The following KDM5A variants were observed in gnomAD, a reference collection of about 807,000 sequenced individuals.
KDM5A encodes lysine-specific demethylase 5A.
Under a neutral mutation model 193.5 loss-of-function variants are expected in KDM5A, and 42 were observed. The observed-to-expected ratio is 0.22, with a 90% confidence interval of 0.17 to 0.28. The LOEUF (loss-of-function observed/expected upper bound fraction) is 0.28, where lower values mean the gene tolerates loss of function less well. KDM5A is among the 10% of genes least tolerant of loss of function. KDM5A has a pLI of 1.00. For missense variants in KDM5A, 1,692 were observed against 2,055.1 expected (o/e 0.82, Z 3.42); for synonymous variants, 796 against 718.1 (o/e 1.11, Z -1.73).
Position 323,126 on chromosome 12 carries a change from C to G in KDM5A, c.2231G>C (p.Ser744Thr). Residue 744 changes from serine to threonine, a missense_variant, in exon 16 of 28, where the codon AGT (serine) becomes ACT (threonine). Physicochemically the swap from Ser to Thr is moderately conservative, Grantham distance 58 (BLOSUM62 1). Coordinates refer to ENST00000399788, the MANE Select transcript of KDM5A (RefSeq NM_001042603.3). ...VRAQSYDTWV[S>T]RVTEALSANF... is the part of the protein sequence containing the mutation. ...AGCAGACAATGCTTCTGTAACACGA[C>G]TGACCCAAGTGTCATAGGACTGTGC... 1.3e-6 allele frequency: 2 copies of G among 1,555,016 alleles called. No homozygotes were observed. The highest frequency in any genetic ancestry group is 1.7e-6 in the Non-Finnish European group (2 of 1,144,746).
chr12:299,974 CAAG>C (rs1420309152), intron 24 of KDM5A, among the ~76,000 whole-genome samples: 7 of 147,348 alleles, frequency 4.8e-5, no homozygotes, highest in African/African-American at 1.5e-4. Context: ...ATCAATGCAA[CAAG>C]AAGAGCTAAC....
chr12:295,603 G>A lies in KDM5A; in HGVS notation c.4425C>T (p.Pro1475=), dbSNP rs935585274. ...TGATATGCAAGAATCTGTCTTCAGA[G>A]GGTGGGTGTGTGGCCTGCAAAATCC... is the stretch of plus-strand genomic sequence containing the variant. ...IWRILQATHP[P]SEDRFLHIME... is the part of the protein sequence containing the mutation. The change falls in exon 26 of 28, where the codon CCC becomes CCT. Residue 1475 remains proline (P), a synonymous_variant. Coordinates refer to ENST00000399788, the MANE Select transcript of KDM5A (RefSeq NM_001042603.3). 1 of 1,614,076 alleles carries A rather than the reference G, an allele frequency of 6.2e-7. No individual in the cohort carries two copies. Among genetic ancestry groups the A allele is most frequent in the South Asian group, 1.1e-5 (1 of 91,078 alleles).
At chr12:359,494 G>A (rs1389306208) in intron 5 of KDM5A, among the ~76,000 whole-genome samples, 2 of 152,030 alleles carry the variant, frequency 1.3e-5, no homozygotes, top group African/African-American at 4.8e-5. Context: ...GCTCATGCCT[G>A]TAATCGCAGC....
intron 5 of KDM5A, 101 bp downstream of exon 5, chr12:362,862 G>A (rs1565546813): frequency 7.4e-6 from 8 of 1,074,076 alleles, no homozygotes; most frequent in East Asian, 4.8e-5. Flanking sequence ...AGAGGCGGAG[G>A]CAAGAGGATC....
chr12:323,337 A>G, intron 15 of KDM5A, 131 bp from the exon 16 acceptor site: 1 of 1,134,216 alleles, frequency 8.8e-7, no homozygotes, highest in Non-Finnish European at 1.2e-6. Flanking sequence ...AGGGAATGGG[A>G]TCTTAGTTCA....
intron 12 of KDM5A, 96 bp downstream of exon 12, chr12:333,391 C>A: frequency 1.4e-6 from 2 of 1,383,524 alleles, no homozygotes; most frequent in Non-Finnish European, 2.0e-6. Context: ...TGCACTCCAG[C>A]CTGGGCAACA....
rs1943320736 is a variant in KDM5A at position 293,098 on chromosome 12, C to T, written c.4527G>A (p.Lys1509=). Residue 1509 remains lysine, a synonymous_variant, in exon 27 of 28, where the codon AAG becomes AAA. Transcript: ENST00000399788. ...KDSSEKKRKR[K]LEKVEQLFGE... Reference sequence around the variant, plus strand: ...CAAAAAGTTGCTCTACCTTTTCTAGCTTCCGTTTCCGTTTCTTCTCTGAAG... The same window carrying T: ...CAAAAAGTTGCTCTACCTTTTCTAGTTTCCGTTTCCGTTTCTTCTCTGAAG... 6.3e-7 allele frequency: 1 copy of T among 1,595,484 alleles called. No individual in the cohort carries two copies. Among genetic ancestry groups the T allele is most frequent in the South Asian group, 1.2e-5 (1 of 86,682 alleles).
At chr12:374,581 T>C (rs541815674) in intron 3 of KDM5A, among the ~76,000 whole-genome samples, 10 of 152,326 alleles carry the variant, frequency 6.6e-5, no homozygotes, top group Non-Finnish European at 1.3e-4. Flanking sequence ...ACATTTAAGG[T>C]TAATACTGTT....
chr12:342,771 A>AT (rs199901226), intron 10 of KDM5A, among the ~76,000 whole-genome samples: 4 of 145,184 alleles, frequency 2.8e-5, no homozygotes, highest in Admixed American at 2.1e-4. Flanking sequence ...CTAAAATGTG[A>AT]TTTAAAAAAA....
At chr12:342,355 T>C (rs1409741668) in intron 10 of KDM5A, among the ~76,000 whole-genome samples, 1 of 152,236 alleles carries the variant, frequency 6.6e-6, no homozygotes. Context: ...GGTCATCTCC[T>C]ACGTGATAGA....
intron 10 of KDM5A, among the ~76,000 whole-genome samples, chr12:340,888 GCTC>G (rs1329594274): frequency 1.3e-5 from 2 of 152,084 alleles, no homozygotes; most frequent in Non-Finnish European, 2.9e-5. Flanking sequence ...GTCAAAAGCT[GCTC>G]CTATCTAACA....
intron 20 of KDM5A, among the ~76,000 whole-genome samples, chr12:312,074 G>A (rs578253602): frequency 6.6e-6 from 1 of 152,132 alleles, no homozygotes; most frequent in Non-Finnish European, 1.5e-5. Context: ...TTCCGTTTGG[G>A]GGCAGCAGTG....
rs1316274872 is a variant in KDM5A, at chr12:285,666, T to C, written c.4867-4A>G. The C allele has an allele frequency of 2.5e-6, 4 of 1,612,664 alleles. No homozygotes were observed. In the African/African-American group the frequency reaches 4.0e-5, roughly 16 times the overall value. On this transcript the variant is annotated splice_region_variant and splice_polypyrimidine_tract_variant and intron_variant, in intron 27 of 27. Transcript: ENST00000399788. ...CATCACATTGTACCCAGTCTACCTG[T>C]AGGAAACAAGATTGGGGAATGTTTA...
At chr12:295,863 A>G in intron 25 of KDM5A, 70 bp from the exon 26 acceptor site, 1 of 1,358,356 alleles carries the variant, frequency 7.4e-7, no homozygotes, top group African/African-American at 1.4e-5. Flanking sequence ...TTTTCAAAGC[A>G]AATATTGAGA....
chr12:353,659 A>G (rs1349952131), intron 8 of KDM5A, among the ~76,000 whole-genome samples: 1 of 152,134 alleles, frequency 6.6e-6, no homozygotes, highest in African/African-American at 2.4e-5. Flanking sequence ...ATGGTGGCTC[A>G]AGCCTGTAAT....
At chr12:349,896 G>A (rs191974541) in intron 10 of KDM5A, among the ~76,000 whole-genome samples, 1 of 151,890 alleles carries the variant, frequency 6.6e-6, no homozygotes, top group East Asian at 2.0e-4. Context: ...CTGGGAGGCC[G>A]AGACAGGGGA....
intron 27 of KDM5A, among the ~76,000 whole-genome samples, chr12:289,880 C>T (rs1318908728): frequency 7.2e-6 from 1 of 138,994 alleles, no homozygotes; most frequent in East Asian, 2.6e-4. Flanking sequence ...ACAAACTGGG[C>T]TAAAAAGCAT....
At chr12:342,145 C>A (rs1944013822) in intron 10 of KDM5A, among the ~76,000 whole-genome samples, 2 of 152,094 alleles carry the variant, frequency 1.3e-5, no homozygotes, top group Non-Finnish European at 2.9e-5. Flanking sequence ...AAAAGATACA[C>A]CAAGCAAACA....
intron 1 of KDM5A, among the ~76,000 whole-genome samples, chr12:387,752 G>C (rs1268891716): frequency 1.3e-5 from 2 of 152,056 alleles, no homozygotes; most frequent in African/African-American, 2.4e-5. Context: ...TTACCTGTCA[G>C]GGCTTCAAAG....
Sources: allele counts gnomAD v4.1 joint callset (sites outside exome capture counted in the v4.1 genomes callset), GRCh38; gene constraint gnomAD v4.1.1; transcripts MANE v1.5; gene names NCBI Gene and HGNC (gene_info 2026-07-23, HGNC 2026-07-21).